The following TBC1D13 variants were observed in gnomAD, a reference collection of about 807,000 sequenced individuals.
TBC1D13 encodes the protein TBC1 domain family member 13.
A neutral mutation model predicts 53.6 loss-of-function variants in TBC1D13; 40 were observed. That is an observed-to-expected ratio of 0.75 (90% CI 0.58 to 0.97). The LOEUF (loss-of-function observed/expected upper bound fraction) is 0.97. TBC1D13 is among the 50% of genes least tolerant of loss of function. The probability of loss-of-function intolerance (pLI) is 0.00; values close to 1 mark genes in which losing one functional copy is unlikely to be tolerated. For synonymous variants in TBC1D13, 182 were observed against 197.7 expected (o/e 0.92, Z 0.67); for missense variants, 377 against 499.4 (o/e 0.75, Z 2.34).
chr9:128,791,264 C>T lies in TBC1D13; in HGVS notation c.139-116C>T. On this transcript the variant is annotated intron_variant, in intron 3 of 11. Transcript: ENST00000372648. The stretch of plus-strand genomic sequence containing the variant: ...ATGCTGGCATTCCTGGATTTTAGCC[C>T]ATCTTGTCTTCTTGGGACTTTATGA... The T allele has an allele frequency of 3.0e-6, 3 of 997,906 alleles. No homozygotes were observed. In the South Asian group the frequency reaches 4.0e-5, roughly 13 times the overall value. 61.8% of individuals were successfully genotyped at this position (997,906 alleles called of 1,614,324 possible). A position where few individuals can be genotyped will look rare whatever the true frequency, so the allele number is the denominator to read the frequency against.
chr9:128,788,976 C>G (rs1264603656), intron 2 of TBC1D13, among the ~76,000 whole-genome samples: 1 of 152,166 alleles, frequency 6.6e-6, no homozygotes, highest in Non-Finnish European at 1.5e-5. Context: ...AAAAATATCC[C>G]AACGTGTTCT....
chr9:128,803,408 CGTG>C lies in TBC1D13; in HGVS notation c.704_706del (p.Val235del). 1 of 1,614,186 alleles carries C rather than the reference CGTG, an allele frequency of 6.2e-7. No homozygotes were observed. Reference sequence around the variant, plus strand: ...CTTATGTGCAAGGCATGAATGAAATCGTGGGGCCCCTCTACTACACCTTTGCCA... The same window carrying C: ...CTTATGTGCAAGGCATGAATGAAATCGGGCCCCTCTACTACACCTTTGCCA... On this transcript the variant is annotated inframe_deletion, in exon 8 of 12. Transcript: ENST00000372648.
At chr9:128,807,148 G>A (rs1426119028) in intron 11 of TBC1D13, among the ~76,000 whole-genome samples, 1 of 149,388 alleles carries the variant, frequency 6.7e-6, no homozygotes, top group Admixed American at 6.7e-5. Context: ...GTGCAGTGGT[G>A]CAATCTCGGT....
intron 8 of TBC1D13, 49 bp downstream of exon 8, chr9:128,803,509 G>T (rs766984124): frequency 6.4e-7 from 1 of 1,572,604 alleles, no homozygotes; most frequent in Non-Finnish European, 8.7e-7. Flanking sequence ...CCCGTGTCAG[G>T]CTGTGCACCT....
chr9:128,802,445 A>G (rs1413910769), intron 7 of TBC1D13, among the ~76,000 whole-genome samples: 1 of 152,206 alleles, frequency 6.6e-6, no homozygotes, highest in Non-Finnish European at 1.5e-5. Flanking sequence ...GTACCTGTGT[A>G]AGTGCCAGTC....
chr9:128,797,608 GC>G (rs2132541293), intron 7 of TBC1D13, among the ~76,000 whole-genome samples: 1 of 152,180 alleles, frequency 6.6e-6, no homozygotes, highest in African/African-American at 2.4e-5. Context: ...TTCAAGACCA[GC>G]CTGGGCTACA....
chr9:128,806,198 A>C, intron 10 of TBC1D13, 56 bp from the exon 11 acceptor site: 1 of 1,612,000 alleles, frequency 6.2e-7, no homozygotes, highest in Non-Finnish European at 8.5e-7. Flanking sequence ...AGGAGTGGGC[A>C]GGGCCTGCAC....
At chr9:128,800,094 G>A (rs558911528) in intron 7 of TBC1D13, among the ~76,000 whole-genome samples, 3 of 152,362 alleles carry the variant, frequency 2.0e-5, no homozygotes, top group Non-Finnish European at 4.4e-5. Context: ...CCCTGCATGT[G>A]TGCGCATACA....
intron 6 of TBC1D13, 121 bp from the exon 7 acceptor site, chr9:128,796,934 T>G: frequency 8.5e-7 from 1 of 1,182,778 alleles, no homozygotes; most frequent in African/African-American, 1.5e-5. Flanking sequence ...AGACTCCATC[T>G]CAAAAACAAA....
intron 5 of TBC1D13, 89 bp downstream of exon 5, chr9:128,791,782 G>A: frequency 2.6e-6 from 3 of 1,132,990 alleles, no homozygotes; most frequent in African/African-American, 1.5e-5. Context: ...CATGCCAGGG[G>A]GTAGGTGCAG....
chr9:128,807,882 C>T lies in TBC1D13; in HGVS notation c.*3C>T, dbSNP rs746229638. 1.2e-5 allele frequency: 20 copies of T among 1,614,070 alleles called. No individual in the cohort carries two copies. The highest frequency in any genetic ancestry group is 2.2e-5 in the East Asian group (1 of 44,886). On this transcript the variant is annotated 3_prime_UTR_variant, in exon 12 of 12. Coordinates refer to ENST00000372648, the MANE Select transcript of TBC1D13 (RefSeq NM_018201.5). ...AGGAGCTCCAAGACTCAAAGTAGCC[C>T]GGCGGCAAGAGGCCCATGTTCCGGA... is the stretch of plus-strand genomic sequence containing the variant.
intron 2 of TBC1D13, chr9:128,789,790 A>T (rs1325449494): frequency 4.3e-5 from 1 of 23,230 alleles, no homozygotes; most frequent in Admixed American, 6.7e-4. Flanking sequence ...AAGAAAATAC[A>T]CCATATATAT....
rs12235388 is a variant in TBC1D13 at position 128,808,314 on chromosome 9, C to T, written c.*435C>T. Reference sequence around the variant, plus strand: ...CACTTCGGCTGCTCCACAGGGAAGGCGACACTGAAAGCTGAGTCCTGCCGT... The same window carrying T: ...CACTTCGGCTGCTCCACAGGGAAGGTGACACTGAAAGCTGAGTCCTGCCGT... On this transcript the variant is annotated 3_prime_UTR_variant, in exon 12 of 12. Transcript: ENST00000372648. 0.048 allele frequency: 10,664 copies of T among 222,192 alleles called. 313 individuals are homozygous for T. Among genetic ancestry groups the T allele is most frequent in the East Asian group, 0.11 (1,172 of 10,502 alleles). The allele number at this position is 222,192 out of a possible 1,614,324, so 13.8% of individuals were successfully genotyped here. A position where few individuals can be genotyped will look rare whatever the true frequency, so the allele number is the denominator to read the frequency against.
intron 7 of TBC1D13, among the ~76,000 whole-genome samples, 167 bp from the exon 8 acceptor site, chr9:128,803,083 T>C (rs1829765149): frequency 6.6e-6 from 1 of 152,068 alleles, no homozygotes; most frequent in African/African-American, 2.4e-5. Flanking sequence ...AGACAGGGTC[T>C]TGCTCTATCA....
Position 128,790,722 on chromosome 9 carries a change from G to A in TBC1D13, c.98-13G>A. On this transcript the variant is annotated splice_polypyrimidine_tract_variant and intron_variant, in intron 2 of 11. Coordinates refer to ENST00000372648, the MANE Select transcript of TBC1D13 (RefSeq NM_018201.5). ...CTGGCCTGGGGCATGACCTTTGCCT[G>A]CTGTGTCCACAGGCATCCCCTGTGA... 1.9e-6 allele frequency: 3 copies of A among 1,544,366 alleles called. No individual in the cohort carries two copies. The highest frequency in any genetic ancestry group is 2.5e-5 in the East Asian group (1 of 39,332).
intron 7 of TBC1D13, among the ~76,000 whole-genome samples, chr9:128,802,299 C>T (rs12554213): frequency 0.047 from 7,122 of 151,960 alleles, 377 homozygotes; most frequent in Admixed American, 0.17. Flanking sequence ...CTCAGGTAAT[C>T]TGCCCGTCTT....
intron 6 of TBC1D13, among the ~76,000 whole-genome samples, chr9:128,795,501 C>G (rs1206052221): frequency 3.2e-5 from 4 of 123,630 alleles, no homozygotes; most frequent in Non-Finnish European, 4.7e-5. Flanking sequence ...CACTCTGTCA[C>G]CCAGGCTGGA....
chr9:128,792,418 C>A, intron 5 of TBC1D13, 74 bp from the exon 6 acceptor site: 1 of 1,371,814 alleles, frequency 7.3e-7, no homozygotes, highest in Non-Finnish European at 1.0e-6. Context: ...GGCCACTGCT[C>A]AGGTTTCCGG....
intron 7 of TBC1D13, among the ~76,000 whole-genome samples, chr9:128,800,390 T>TTTTGG (rs57538043): frequency 6.7e-6 from 1 of 149,066 alleles, no homozygotes; most frequent in African/African-American, 2.5e-5. Flanking sequence ...TTTTTTTTTT[T>TTTTGG]GAGACAGTCT....
Sources: gnomAD v4.1 joint callset for allele counts (sites outside exome capture counted in the v4.1 genomes callset) on GRCh38, gnomAD v4.1.1 for gene constraint, MANE v1.5 for transcripts, NCBI Gene and HGNC (gene_info 2026-07-23, HGNC 2026-07-21) for gene names.